Variants in MRS2 observed in about 807,000 individuals in gnomAD.
The protein encoded by MRS2 is magnesium transporter MRS2.
In MRS2, 40 loss-of-function variants were observed where a neutral mutation model predicts 52.6. The observed-to-expected ratio is 0.76, with a 90% CI of 0.59 to 0.99. The LOEUF (loss-of-function observed/expected upper bound fraction) is 0.99, where lower values mean the gene tolerates loss of function less well. MRS2 is among the 50% of genes least tolerant of loss of function. MRS2 has a pLI of 0.00. For missense variants in MRS2, 472 were observed against 532.7 expected, an observed-to-expected ratio of 0.89 and a Z score of 1.12; for synonymous variants, 193 against 195.9, an observed-to-expected ratio of 0.98 and a Z score of 0.13.
At chr6:24,406,091 T>TGA (rs377392099) in intron 2 of MRS2, among the ~76,000 whole-genome samples, 2,726 of 130,004 alleles carry the variant, frequency 0.021, 77 homozygotes, top group African/African-American at 0.069. Flanking sequence ...GCAGACAGAG[T>TGA]GAGACTCCAT....
Position 24,425,162 on chromosome 6 carries a change from T to C in MRS2, c.*1468T>C, listed in dbSNP as rs566017111. On this transcript the variant is annotated 3_prime_UTR_variant, in exon 11 of 11. Transcript: ENST00000378386. ...TTAAGATTGTATTTGATAATACTTATATTTCACAGGGCACACTTTTGGCAC... is the reference window on the plus strand; with the variant it reads ...TTAAGATTGTATTTGATAATACTTACATTTCACAGGGCACACTTTTGGCAC... 1 of 152,364 alleles carries C rather than the reference T, an allele frequency of 6.6e-6. No homozygotes were observed. The highest frequency in any genetic ancestry group is 1.9e-4 in the East Asian group (1 of 5,190). The allele number at this position is 152,364 out of a possible 1,614,324, so 9.4% of individuals were successfully genotyped here.
Position 24,416,527 on chromosome 6 carries a change from T to A in MRS2, c.836+14T>A. On this transcript the variant is annotated intron_variant, in intron 7 of 10. Coordinates refer to ENST00000378386, the MANE Select transcript of MRS2 (RefSeq NM_020662.4). ...CCCACAAGTCTTGTAAGTATATAATTATACTTTGTTATTTATTTCCTTAGA... is the reference window on the plus strand; with the variant it reads ...CCCACAAGTCTTGTAAGTATATAATAATACTTTGTTATTTATTTCCTTAGA... 8.2e-7 allele frequency: 1 copy of A among 1,214,772 alleles called. No individual in the cohort carries two copies. The highest frequency in any genetic ancestry group is 1.2e-6 in the Non-Finnish European group (1 of 831,314). The allele number at this position is 1,214,772 out of a possible 1,614,324, so 75.2% of individuals were successfully genotyped here.
In MRS2 at chr6:24,424,751, T is replaced by A. The variant is rs960219591; in HGVS notation, c.*1057T>A. The A allele has an allele frequency of 3.3e-5, 5 of 152,326 alleles. No homozygotes were observed. In the South Asian group the frequency reaches 1.0e-3, roughly 32 times the overall value. The allele number at this position is 152,326 out of a possible 1,614,324, so 9.4% of individuals were successfully genotyped here. On this transcript the variant is annotated 3_prime_UTR_variant, in exon 11 of 11. Coordinates refer to ENST00000378386, the MANE Select transcript of MRS2 (RefSeq NM_020662.4). ...GGAAGATTCTAGAGTGTCCAGCTCT[T>A]GCACTACAAATGTAATAATAACAGA...
At chr6:24,415,689 T>C (rs1470891527) in intron 6 of MRS2, among the ~76,000 whole-genome samples, 1 of 152,242 alleles carries the variant, frequency 6.6e-6, no homozygotes, top group Non-Finnish European at 1.5e-5. Context: ...GTAACTAGTC[T>C]GTTCTATATT....
rs547267978 is a variant in MRS2 at position 24,424,284 on chromosome 6, C to T, written c.*590C>T. The T allele has an allele frequency of 1.5e-4, 23 of 152,144 alleles. 1 individual carries two copies. The highest frequency in any genetic ancestry group is 5.2e-4 in the Admixed American group (8 of 15,280). 9.4% of individuals were successfully genotyped at this position (152,144 alleles called of 1,614,324 possible). ...TATCACCATTGTATGGATTCCTAATCAAGATTTCACGTTCTCAGCCCCTGA... is the reference window on the plus strand; with the variant it reads ...TATCACCATTGTATGGATTCCTAATTAAGATTTCACGTTCTCAGCCCCTGA... On this transcript the variant is annotated 3_prime_UTR_variant, in exon 11 of 11. Coordinates refer to ENST00000378386, the MANE Select transcript of MRS2 (RefSeq NM_020662.4).
In MRS2 at chr6:24,424,680, A is replaced by G. The variant is rs1019679901; in HGVS notation, c.*986A>G. 3 of 152,300 alleles carry G rather than the reference A, an allele frequency of 2.0e-5. No individual in the cohort carries two copies. In the South Asian group the frequency reaches 6.2e-4, roughly 32 times the overall value. 9.4% of individuals were successfully genotyped at this position (152,300 alleles called of 1,614,324 possible). The stretch of plus-strand genomic sequence containing the variant: ...AAAATATTTTCTGGAGGTTAAGTAC[A>G]GTTAGGCACTAGAACATTTGTTAAG... On this transcript the variant is annotated 3_prime_UTR_variant, in exon 11 of 11. Transcript: ENST00000378386.
chr6:24,410,965 G>A (rs1014614494), intron 4 of MRS2, among the ~76,000 whole-genome samples: 2 of 152,096 alleles, frequency 1.3e-5, no homozygotes, highest in Non-Finnish European at 2.9e-5. Flanking sequence ...GAGAGGGGTG[G>A]ATCACCTGAG....
chr6:24,415,006 C>T, intron 5 of MRS2, 27 bp from the exon 6 acceptor site: 2 of 1,549,282 alleles, frequency 1.3e-6, no homozygotes, highest in Non-Finnish European at 1.8e-6. Context: ...TGTTTTAATT[C>T]TTATGAAAGG....
intron 3 of MRS2, 130 bp from the exon 4 acceptor site, chr6:24,409,331 C>T: frequency 3.7e-6 from 2 of 542,124 alleles, no homozygotes; most frequent in Non-Finnish European, 3.3e-6. Flanking sequence ...TATTAAAAGA[C>T]TTAATTTTAG....
At chr6:24,411,105 G>C (rs1324302623) in intron 4 of MRS2, among the ~76,000 whole-genome samples, 1 of 151,710 alleles carries the variant, frequency 6.6e-6, no homozygotes, top group African/African-American at 2.4e-5. Flanking sequence ...TAGGAGAATA[G>C]CTTGAACCCT....
chr6:24,403,081 C>T lies in MRS2; in HGVS notation c.35C>T (p.Pro12Leu), dbSNP rs1581691002. 1.2e-6 allele frequency: 2 copies of T among 1,611,922 alleles called. No homozygotes were observed. Residue 12 changes from proline (P) to leucine (L), a missense_variant, in exon 1 of 11, where the codon CCC becomes CTC. Transcript: ENST00000378386. ...ECLRSLPCLL[P>L]RAMRLPRRTL... ...CTGCGCAGTTTACCCTGCCTCCTGC[C>T]CCGCGCGATGAGACTTCCCCGGCGG...
rs1281833383 is a variant in MRS2, at chr6:24,405,178, C to G, written c.201C>G (p.His67Gln). Residue 67 changes from histidine to glutamine, a missense_variant, in exon 2 of 11, where the codon CAC becomes CAG. His to Gln is a conservative substitution (Grantham distance 24). Transcript: ENST00000378386. ...PDRLRVAGEV[H>Q]RFRTSDVSQA... The stretch of plus-strand genomic sequence containing the variant: ...TAATTTATTCTTCAGGTGAAGTGCA[C>G]CGGTTTAGAACCTCTGACGTCTCTC... The G allele has an allele frequency of 2.5e-6, 4 of 1,613,346 alleles. No individual in the cohort carries two copies. The highest frequency in any genetic ancestry group is 3.4e-6 in the Non-Finnish European group (4 of 1,179,414).
intron 2 of MRS2, among the ~76,000 whole-genome samples, chr6:24,405,598 A>G (rs1031723740): frequency 6.6e-6 from 1 of 151,736 alleles, no homozygotes; most frequent in African/African-American, 2.4e-5. Flanking sequence ...CATGATCTCT[A>G]ACTTTTCTCT....
intron 7 of MRS2, among the ~76,000 whole-genome samples, chr6:24,416,874 A>C (rs1390415055): frequency 1.3e-5 from 2 of 152,236 alleles, no homozygotes; most frequent in East Asian, 3.8e-4. Flanking sequence ...TAAATACACG[A>C]GTAACACATT....
At chr6:24,409,020 C>T (rs1761565835) in intron 3 of MRS2, among the ~76,000 whole-genome samples, 1 of 152,194 alleles carries the variant, frequency 6.6e-6, no homozygotes, top group South Asian at 2.1e-4. Flanking sequence ...GTAATAAATT[C>T]AGCTTTTCTC....
intron 4 of MRS2, chr6:24,410,584 G>A: frequency 1.8e-6 from 1 of 540,894 alleles, no homozygotes; most frequent in Non-Finnish European, 3.1e-6. Flanking sequence ...TACTCAGGAG[G>A]CTGAAGTGGG....
chr6:24,421,487 CTG>C (rs1762038898), intron 9 of MRS2, among the ~76,000 whole-genome samples: 1 of 152,170 alleles, frequency 6.6e-6, no homozygotes, highest in Admixed American at 6.5e-5. Context: ...CATGGTGAAT[CTG>C]AGATAGGAAA....
intron 9 of MRS2, among the ~76,000 whole-genome samples, chr6:24,420,140 T>C (rs1761995322): frequency 6.6e-6 from 1 of 152,204 alleles, no homozygotes. Flanking sequence ...ATCTTGTGGG[T>C]AGCCACTTGT....
intron 10 of MRS2, 134 bp downstream of exon 10, chr6:24,423,184 C>A: frequency 1.5e-6 from 1 of 660,078 alleles, no homozygotes; most frequent in Non-Finnish European, 2.6e-6. Context: ...CCTTCAGTTT[C>A]CCTATCTGTC....
Sources: allele counts gnomAD v4.1 joint callset (sites outside exome capture counted in the v4.1 genomes callset), GRCh38; gene constraint gnomAD v4.1.1; transcripts MANE v1.5; gene names NCBI Gene and HGNC (gene_info 2026-07-23, HGNC 2026-07-21).